The following STXBP6 variants were observed in gnomAD, a reference collection of about 807,000 sequenced individuals.
STXBP6 encodes syntaxin-binding protein 6.
A neutral mutation model predicts 26.9 loss-of-function variants in STXBP6; 21 were observed. The ratio of observed to expected loss-of-function variants is 0.78; its 90% CI spans 0.55 to 1.12. STXBP6 has a LOEUF of 1.12. Ranked by LOEUF, STXBP6 falls within the 50% of genes most tolerant of loss-of-function variation. STXBP6 has a pLI of 0.00. For synonymous variants in STXBP6, 97 were observed against 92.6 expected (o/e 1.05, Z -0.27); for missense variants, 232 against 257.9 (o/e 0.90, Z 0.69).
In STXBP6 at chr14:25,049,672, A is replaced by G; in HGVS notation, c.-33+206T>C. The G allele has an allele frequency of 1.0e-6, 1 of 985,574 alleles. No homozygotes were observed. The highest frequency in any genetic ancestry group is 1.2e-6 in the Non-Finnish European group (1 of 830,206). 61.1% of individuals were successfully genotyped at this position (985,574 alleles called of 1,614,324 possible). A position where few individuals can be genotyped will look rare whatever the true frequency, so the allele number is the denominator to read the frequency against. On this transcript the variant is annotated intron_variant, in intron 1 of 5. Transcript: ENST00000323944. The surrounding 1 kb of genome is among the most constrained non-coding windows in gnomAD (Gnocchi z 5.6). The stretch of plus-strand genomic sequence containing the variant: ...ACACGAGTCCCTCTCTGCGCGCACA[A>G]AGCAGCTGCGCCGGGGCGCGCGGCC...
At chr14:24,954,702 T>C (rs1262010804) in intron 2 of STXBP6, among the ~76,000 whole-genome samples, 1 of 152,208 alleles carries the variant, frequency 6.6e-6, no homozygotes, top group African/African-American at 2.4e-5. Flanking sequence ...ATAGGTCATC[T>C]TTCCTATAAA....
rs186212001 is a variant in STXBP6 at position 25,029,748 on chromosome 14, A to C, written c.-33+20130T>G. 1.1e-3 allele frequency among the ~76,000 whole-genome samples: 163 copies of C among 152,272 alleles called. 2 individuals are homozygous for C. The highest frequency in any genetic ancestry group is 3.1e-3 in the South Asian group (15 of 4,830). On this transcript the variant is annotated intron_variant, in intron 1 of 5. Coordinates refer to ENST00000323944, the MANE Select transcript of STXBP6 (RefSeq NM_001394410.1). Reference sequence around the variant, plus strand: ...GGTAGGTGCTTTCCCTCCTGAAAAGACTTACCACATAATTAGGAAGAGGAA... The same window carrying C: ...GGTAGGTGCTTTCCCTCCTGAAAAGCCTTACCACATAATTAGGAAGAGGAA...
chr14:24,897,659 C>A (rs1385835835), intron 2 of STXBP6, among the ~76,000 whole-genome samples: 2 of 152,010 alleles, frequency 1.3e-5, no homozygotes, highest in African/African-American at 4.8e-5. Context: ...CCACAGTACA[C>A]CTGGGATTAA....
intron 2 of STXBP6, among the ~76,000 whole-genome samples, chr14:24,890,421 A>G (rs1438916999): frequency 6.6e-6 from 1 of 152,226 alleles, no homozygotes; most frequent in African/African-American, 2.4e-5. Context: ...CAACAACAAC[A>G]AAAAGATGCA....
intron 4 of STXBP6, among the ~76,000 whole-genome samples, chr14:24,834,986 G>C (rs879867582): frequency 1.3e-5 from 2 of 152,166 alleles, no homozygotes; most frequent in Non-Finnish European, 2.9e-5. Context: ...ACAAAGTTGT[G>C]TCTTGTTTTT....
At chr14:25,005,885 T>C (rs890816318) in intron 1 of STXBP6, among the ~76,000 whole-genome samples, 4 of 151,706 alleles carry the variant, frequency 2.6e-5, no homozygotes, top group African/African-American at 9.7e-5. Context: ...TTTTGGACAA[T>C]CGCACAGAGA....
In STXBP6 at chr14:24,809,630, T is replaced by G. The variant is rs2138630262; in HGVS notation, c.*3079A>C. 1 of 152,342 alleles carries G rather than the reference T, an allele frequency of 6.6e-6. No individual in the cohort carries two copies. The highest frequency in any genetic ancestry group is 1.5e-5 in the Non-Finnish European group (1 of 68,022). 9.4% of individuals were successfully genotyped at this position (152,342 alleles called of 1,614,324 possible). A position where few individuals can be genotyped will look rare whatever the true frequency, so the allele number is the denominator to read the frequency against. ...CTTATTTGGTAGTGTTTTATAGAGT[T>G]CATAAATAACTGCAAGAAACAAATT... On this transcript the variant is annotated 3_prime_UTR_variant, in exon 6 of 6. Coordinates refer to ENST00000323944, the MANE Select transcript of STXBP6 (RefSeq NM_001394410.1).
intron 2 of STXBP6, among the ~76,000 whole-genome samples, chr14:24,872,422 T>C (rs923031933): frequency 1.3e-5 from 2 of 152,152 alleles, no homozygotes; most frequent in South Asian, 4.1e-4. Context: ...TAACATACAA[T>C]GCTAGGCATG....
intron 2 of STXBP6, among the ~76,000 whole-genome samples, chr14:24,876,535 C>T (rs1444937325): frequency 6.6e-6 from 1 of 152,118 alleles, no homozygotes; most frequent in Non-Finnish European, 1.5e-5. Flanking sequence ...AGTTATAACT[C>T]ACATTAGTAT....
In STXBP6 at chr14:24,902,659, T is replaced by C. The variant is rs539430098; in HGVS notation, c.155-45502A>G. Among the ~76,000 whole-genome samples, 10 of 152,300 alleles carry C rather than the reference T, an allele frequency of 6.6e-5. No homozygotes were observed. The South Asian group carries it at 1.9e-3, about 28-fold the overall frequency. Reference sequence around the variant, plus strand: ...TACGTAAACTATTTGTCTCTTTCTTTCCATTAGTTTTGTAGCAGCCTTGGT... The same window carrying C: ...TACGTAAACTATTTGTCTCTTTCTTCCCATTAGTTTTGTAGCAGCCTTGGT... On this transcript the variant is annotated intron_variant, in intron 2 of 5. Coordinates refer to ENST00000323944, the MANE Select transcript of STXBP6 (RefSeq NM_001394410.1).
At chr14:24,990,823 A>G (rs1248599916) in intron 1 of STXBP6, among the ~76,000 whole-genome samples, 4 of 151,048 alleles carry the variant, frequency 2.6e-5, no homozygotes, top group Admixed American at 6.6e-5. Flanking sequence ...ACTGGTCTGT[A>G]GGTTGAGGAA....
At chr14:24,975,606 T>TTA (rs1448904852) in intron 1 of STXBP6, among the ~76,000 whole-genome samples, 1 of 152,200 alleles carries the variant, frequency 6.6e-6, no homozygotes, top group African/African-American at 2.4e-5. Context: ...CTCCCACATG[T>TTA]TATGCTCCTC....
chr14:25,012,261 A>G (rs2140384432), intron 1 of STXBP6, among the ~76,000 whole-genome samples: 1 of 152,356 alleles, frequency 6.6e-6, no homozygotes, highest in Middle Eastern at 3.4e-3. Context: ...TGGTCTTAGG[A>G]CGCCTTTACA....
chr14:24,942,164 G>T (rs2072827430), intron 2 of STXBP6, among the ~76,000 whole-genome samples: 2 of 152,184 alleles, frequency 1.3e-5, no homozygotes, highest in Admixed American at 6.5e-5. Context: ...TGAAGGGAAA[G>T]AAAAGTAAAC....
intron 1 of STXBP6, among the ~76,000 whole-genome samples, chr14:24,994,283 T>C (rs1315792189): frequency 1.3e-5 from 2 of 152,206 alleles, no homozygotes; most frequent in African/African-American, 4.8e-5. Flanking sequence ...TGGCATCTAC[T>C]GTGATTTTTC....
intron 2 of STXBP6, among the ~76,000 whole-genome samples, chr14:24,880,558 G>A (rs1009042421): frequency 6.6e-6 from 1 of 152,164 alleles, no homozygotes; most frequent in African/African-American, 2.4e-5. Context: ...CTGTAGGCCA[G>A]GTACATGATG....
chr14:24,908,625 C>T (rs761227982), intron 2 of STXBP6, among the ~76,000 whole-genome samples: 1 of 151,642 alleles, frequency 6.6e-6, no homozygotes, highest in Non-Finnish European at 1.5e-5. Context: ...TTTGTCCCAT[C>T]TGCCTGGAAA....
intron 2 of STXBP6, among the ~76,000 whole-genome samples, chr14:24,903,229 CTGTT>C (rs2071274997): frequency 6.6e-6 from 1 of 152,068 alleles, no homozygotes; most frequent in Non-Finnish European, 1.5e-5. Flanking sequence ...TGATTATTCT[CTGTT>C]TTGTTTGTTT....
chr14:24,987,152 C>T (rs933516968), intron 1 of STXBP6, among the ~76,000 whole-genome samples: 3 of 152,220 alleles, frequency 2.0e-5, no homozygotes, highest in Admixed American at 2.0e-4. Context: ...CACACACTAA[C>T]ACATTACAAA....
Sources: allele counts gnomAD v4.1 joint callset (sites outside exome capture counted in the v4.1 genomes callset), GRCh38; gene constraint gnomAD v4.1.1; non-coding constraint Gnocchi (gnomAD v3.1); transcripts MANE v1.5; gene names NCBI Gene and HGNC (gene_info 2026-07-23, HGNC 2026-07-21).